ARHGAP39: variants seen among roughly 807,000 people sequenced by gnomAD.
ARHGAP39 encodes rho GTPase-activating protein 39.
A neutral mutation model predicts 106.9 loss-of-function variants in ARHGAP39; 44 were observed. That is an observed-to-expected ratio of 0.41 (90% CI 0.32 to 0.53). The LOEUF is 0.53. ARHGAP39 is among the 20% of genes least tolerant of loss of function. ARHGAP39 has a pLI of 0.21. For missense variants in ARHGAP39, 1,496 were observed against 1,577.3 expected (o/e 0.95, Z 0.87); for synonymous variants, 768 against 693.2 (o/e 1.11, Z -1.69).
In ARHGAP39 at chr8:144,540,288, C is replaced by T. The variant is rs993343933; in HGVS notation, c.2522-2475G>A. Reference sequence around the variant, plus strand: ...GTTCAGGCCTGTTGTCCTAGCTACTCGAGATGTTGAGGCAGGGGGATCATA... The same window carrying T: ...GTTCAGGCCTGTTGTCCTAGCTACTTGAGATGTTGAGGCAGGGGGATCATA... On this transcript the variant is annotated intron_variant, in intron 6 of 11. Transcript: ENST00000377307. Among the ~76,000 whole-genome samples the T allele has an allele frequency of 4.6e-5, 7 of 152,104 alleles. No individual in the cohort carries two copies. The East Asian group carries it at 7.7e-4, about 17-fold the overall frequency.
At chr8:144,658,666 T>C (rs1821754292) in intron 1 of ARHGAP39, among the ~76,000 whole-genome samples, 1 of 152,158 alleles carries the variant, frequency 6.6e-6, no homozygotes. Context: ...CACTGAGGGA[T>C]GACTGTGTAT....
Position 144,604,154 on chromosome 8 carries a change from C to CA in ARHGAP39, c.80+1380dup, listed in dbSNP as rs1197693054. On this transcript the variant is annotated intron_variant, in intron 2 of 11. Transcript: ENST00000377307. This position sits in a 1 kb window ranked among gnomAD's most constrained non-coding sequence, Gnocchi z 4.1. ...AACCACACAGGGAGGCACAAAGCAT[C>CA]AGACACGGAGCCGGGCCCAGAGCGC... 3.9e-5 allele frequency among the ~76,000 whole-genome samples: 6 copies of CA among 152,158 alleles called. No homozygotes were observed. Among genetic ancestry groups the CA allele is most frequent in the Non-Finnish European group, 7.3e-5 (5 of 68,042 alleles).
chr8:144,613,560 A>C (rs1386196578), intron 1 of ARHGAP39, among the ~76,000 whole-genome samples: 2 of 150,072 alleles, frequency 1.3e-5, no homozygotes, highest in Non-Finnish European at 3.0e-5. Context: ...ATTGTTTCTC[A>C]TGAGAAATCT....
intron 1 of ARHGAP39, among the ~76,000 whole-genome samples, chr8:144,619,268 C>T (rs935753630): frequency 5.6e-4 from 86 of 152,364 alleles, no homozygotes; most frequent in African/African-American, 1.7e-3. Context: ...CCTGGGCTGG[C>T]GACGCCCGCC....
chr8:144,661,291 A>G (rs1821815870), intron 1 of ARHGAP39, among the ~76,000 whole-genome samples: 1 of 152,080 alleles, frequency 6.6e-6, no homozygotes, highest in African/African-American at 2.4e-5. Context: ...TGTGAGCAAC[A>G]TCTCAGCCTC....
In ARHGAP39 at chr8:144,605,792, G is replaced by T; in HGVS notation, c.-81-97C>A. 7 of 658,348 alleles carry T rather than the reference G, an allele frequency of 1.1e-5. No homozygotes were observed. The South Asian group carries it at 1.3e-4, about 12-fold the overall frequency. The allele number at this position is 658,348 out of a possible 1,614,324, so 40.8% of individuals were successfully genotyped here. A position where few individuals can be genotyped will look rare whatever the true frequency, so the allele number is the denominator to read the frequency against. ...CCGCCGCAGACTGGCTGGGCAGGAT[G>T]ACGATGGACTCCACGGCACCCGTGA... On this transcript the variant is annotated intron_variant, in intron 1 of 11. Coordinates refer to ENST00000377307, the MANE Select transcript of ARHGAP39 (RefSeq NM_025251.3).
chr8:144,660,248 T>A (rs1821790382), intron 1 of ARHGAP39, among the ~76,000 whole-genome samples: 1 of 152,144 alleles, frequency 6.6e-6, no homozygotes, highest in Non-Finnish European at 1.5e-5. Flanking sequence ...GCCTGAATGG[T>A]CTCTCACAAA....
intron 2 of ARHGAP39, among the ~76,000 whole-genome samples, chr8:144,601,803 G>C (rs1418899550): frequency 1.5e-5 from 2 of 137,560 alleles, no homozygotes; most frequent in Non-Finnish European, 3.1e-5. Flanking sequence ...TAATGTACCT[G>C]TGTGTGTGTG....
At chr8:144,685,239 GTGGACAGGGGCACACTCACACTCACTC>G (rs552630791) in intron 1 of ARHGAP39, among the ~76,000 whole-genome samples, 2,613 of 143,362 alleles carry the variant, frequency 0.018, 30 homozygotes, top group South Asian at 0.041. Context: ...CATACCCACC[GTGGACAGGGGCACACTCACACTCACTC>G]TGGACAGGGG....
intron 1 of ARHGAP39, among the ~76,000 whole-genome samples, chr8:144,660,171 G>C (rs1357207277): frequency 1.3e-5 from 2 of 152,124 alleles, no homozygotes; most frequent in African/African-American, 2.4e-5. Flanking sequence ...CTGGACCCTA[G>C]GTCTCCACCA....
chr8:144,536,299 C>A (rs553821269), intron 7 of ARHGAP39, among the ~76,000 whole-genome samples: 22 of 152,210 alleles, frequency 1.4e-4, no homozygotes, highest in African/African-American at 5.1e-4. Context: ...GCCCCGGGGA[C>A]CTTAGAGCTA....
At chr8:144,686,526 T>C (rs1365507579), upstream of ARHGAP39, among the ~76,000 whole-genome samples, 1 of 152,188 alleles carries the variant, frequency 6.6e-6, no homozygotes, top group African/African-American at 2.4e-5. Flanking sequence ...CACCCTTCAG[T>C]CCTGGACATT....
At chr8:144,543,434 C>G (rs1010469385) in intron 6 of ARHGAP39, among the ~76,000 whole-genome samples, 5 of 152,236 alleles carry the variant, frequency 3.3e-5, no homozygotes, top group Non-Finnish European at 7.3e-5. Context: ...GGGACCCTGA[C>G]AGACGAACCT....
intron 3 of ARHGAP39, among the ~76,000 whole-genome samples, chr8:144,572,181 CA>C (rs1818609939): frequency 6.6e-6 from 1 of 152,108 alleles, no homozygotes; most frequent in Admixed American, 6.6e-5. Context: ...CAATCCTAAG[CA>C]AAAATAACAA....
At chr8:144,567,751 T>C (rs1408433928) in intron 3 of ARHGAP39, among the ~76,000 whole-genome samples, 3 of 152,154 alleles carry the variant, frequency 2.0e-5, no homozygotes, top group African/African-American at 4.8e-5. Flanking sequence ...TGTTTCTCTC[T>C]CTCTCTCCTC....
At chr8:144,601,311 T>C (rs1819920934) in intron 2 of ARHGAP39, among the ~76,000 whole-genome samples, 1 of 136,470 alleles carries the variant, frequency 7.3e-6, no homozygotes, top group South Asian at 2.4e-4. Context: ...CATGTACCTG[T>C]GTGTGTGTGT....
chr8:144,590,597 A>G (rs1277836718), intron 2 of ARHGAP39, among the ~76,000 whole-genome samples: 2 of 152,176 alleles, frequency 1.3e-5, no homozygotes, highest in Non-Finnish European at 2.9e-5. Context: ...TTTTCTTTAT[A>G]AAATACCCAG....
intron 2 of ARHGAP39, among the ~76,000 whole-genome samples, chr8:144,587,479 T>C (rs1819222681): frequency 6.6e-6 from 1 of 152,096 alleles, no homozygotes; most frequent in African/African-American, 2.4e-5. Flanking sequence ...TCCCTGAAAT[T>C]CACGTGTTAT....
chr8:144,660,581 T>C (rs1299970886), intron 1 of ARHGAP39, among the ~76,000 whole-genome samples: 2 of 152,194 alleles, frequency 1.3e-5, no homozygotes, highest in Non-Finnish European at 2.9e-5. Context: ...CAGCCACACA[T>C]AGGACAGCAG....
Sources: allele counts gnomAD v4.1 joint callset (sites outside exome capture counted in the v4.1 genomes callset), GRCh38; gene constraint gnomAD v4.1.1; non-coding constraint Gnocchi (gnomAD v3.1); transcripts MANE v1.5; gene names NCBI Gene and HGNC (gene_info 2026-07-23, HGNC 2026-07-21).